PTH2R: variants seen among roughly 807,000 people sequenced by gnomAD.
The protein encoded by PTH2R is PTH2 receptor.
In PTH2R, 59 loss-of-function variants were observed where a neutral mutation model predicts 60.3. The observed-to-expected ratio is 0.98, with a 90% CI of 0.79 to 1.22. The LOEUF (loss-of-function observed/expected upper bound fraction) is 1.22. PTH2R is among the 50% of genes most tolerant of loss of function. The pLI is 0.00. For missense variants in PTH2R, 749 were observed against 682.6 expected (o/e 1.10, Z -1.08); for synonymous variants, 256 against 243.8 (o/e 1.05, Z -0.47).
At chr2:208,364,611 C>T (rs2125865471) in intron 1 of PTH2R, among the ~76,000 whole-genome samples, 1 of 152,212 alleles carries the variant, frequency 6.6e-6, no homozygotes, top group Non-Finnish European at 1.5e-5. Flanking sequence ...TCCAGTACCA[C>T]ACTGTTTTAT....
At chr2:208,370,266 AC>A (rs1700670281) in intron 1 of PTH2R, among the ~76,000 whole-genome samples, 1 of 151,630 alleles carries the variant, frequency 6.6e-6, no homozygotes, top group South Asian at 2.1e-4. Flanking sequence ...ACATGGTGAA[AC>A]CCTGTCTCTA....
chr2:208,393,240 G>A (rs1274798914), intron 1 of PTH2R, among the ~76,000 whole-genome samples: 1 of 152,164 alleles, frequency 6.6e-6, no homozygotes, highest in Non-Finnish European at 1.5e-5. Flanking sequence ...TCCTTCTAAT[G>A]TGGGGAGATG....
intron 9 of PTH2R, among the ~76,000 whole-genome samples, chr2:208,470,385 G>T (rs769494312): frequency 6.6e-6 from 1 of 152,162 alleles, no homozygotes; most frequent in Non-Finnish European, 1.5e-5. Context: ...ATATGGTTTG[G>T]CTGTGTCCCC....
At chr2:208,485,336 G>A (rs562535722) in intron 10 of PTH2R, among the ~76,000 whole-genome samples, 12 of 152,120 alleles carry the variant, frequency 7.9e-5, no homozygotes, top group Non-Finnish European at 1.8e-4. Flanking sequence ...CTTGGACACA[G>A]ACCACACCAT....
At chr2:208,429,970 G>C (rs556720797) in intron 2 of PTH2R, among the ~76,000 whole-genome samples, 1 of 152,258 alleles carries the variant, frequency 6.6e-6, no homozygotes, top group East Asian at 1.9e-4. Context: ...CATGTGGGCT[G>C]TCTGTTTCAC....
chr2:208,486,303 A>G (rs1703272249), intron 10 of PTH2R, among the ~76,000 whole-genome samples: 1 of 152,246 alleles, frequency 6.6e-6, no homozygotes, highest in African/African-American at 2.4e-5. Context: ...GGAGTTATAG[A>G]AGAGCTTAGT....
exon 1 of PTH2R, chr2:208,360,200 G>A (rs1209483308): frequency 4.4e-6 from 2 of 454,946 alleles, no homozygotes; most frequent in Admixed American, 2.4e-5. Flanking sequence ...ATAAATGAAA[G>A]CATTTCTTCA....
At chr2:208,475,106 A>G (rs926498013) in intron 9 of PTH2R, among the ~76,000 whole-genome samples, 8 of 152,128 alleles carry the variant, frequency 5.3e-5, no homozygotes, top group Non-Finnish European at 1.0e-4. Context: ...ATTTAAATCC[A>G]TTTCTTTGGA....
At chr2:208,445,260 A>G (rs1261986040) in intron 7 of PTH2R, among the ~76,000 whole-genome samples, 3 of 152,128 alleles carry the variant, frequency 2.0e-5, no homozygotes, top group African/African-American at 4.8e-5. Context: ...AGCTATAATG[A>G]TATATTTTTG....
chr2:208,428,213 G>GGC lies in PTH2R; in HGVS notation c.89_90dup (p.Thr31AlafsTer5). On this transcript the variant is annotated frameshift_variant, in exon 2 of 13. Transcript: ENST00000272847. LOFTEE classifies it high-confidence loss of function. ...TTCACTTCTACAGCTGGATTCTGAT[G>GGC]GCACCATTACTATAGAGGAGCAGAT... 1 of 1,611,010 alleles carries GGC rather than the reference G, an allele frequency of 6.2e-7. No individual in the cohort carries two copies. The highest frequency in any genetic ancestry group is 1.3e-5 in the African/African-American group (1 of 74,974).
chr2:208,419,972 C>T (rs1166934387), intron 1 of PTH2R, among the ~76,000 whole-genome samples: 1 of 152,130 alleles, frequency 6.6e-6, no homozygotes, highest in African/African-American at 2.4e-5. Flanking sequence ...ATGATGAGTT[C>T]CTGTCCTTTG....
At chr2:208,428,426 A>G (rs1701901966) in intron 2 of PTH2R, 123 bp downstream of exon 2, 4 of 671,864 alleles carry the variant, frequency 6.0e-6, no homozygotes, top group Middle Eastern at 2.7e-4. Context: ...TTCCATGTGG[A>G]GGGGTGTGCA....
chr2:208,470,488 G>A (rs1055301845), intron 9 of PTH2R, among the ~76,000 whole-genome samples: 15 of 151,460 alleles, frequency 9.9e-5, no homozygotes, highest in African/African-American at 3.2e-4. Flanking sequence ...TGCTGTTCTC[G>A]TGATAGTGAA....
chr2:208,479,724 A>G (rs987509619), intron 9 of PTH2R, among the ~76,000 whole-genome samples: 2 of 152,182 alleles, frequency 1.3e-5, no homozygotes, highest in Non-Finnish European at 2.9e-5. Flanking sequence ...AAGGTATCAG[A>G]TGGTGGTTAA....
chr2:208,406,341 T>C (rs981669051), upstream of PTH2R, among the ~76,000 whole-genome samples: 1 of 152,158 alleles, frequency 6.6e-6, no homozygotes, highest in Non-Finnish European at 1.5e-5. Context: ...ATATACATTA[T>C]TTCTACTTAA....
chr2:208,408,529 A>G (rs963243995), intron 1 of PTH2R, among the ~76,000 whole-genome samples: 1 of 149,914 alleles, frequency 6.7e-6, no homozygotes, highest in African/African-American at 2.5e-5. Flanking sequence ...TATTTAGTAC[A>G]ATAAGAAAAA....
At chr2:208,469,335 C>A (rs959199275) in intron 9 of PTH2R, among the ~76,000 whole-genome samples, 3 of 152,098 alleles carry the variant, frequency 2.0e-5, no homozygotes, top group African/African-American at 7.2e-5. Flanking sequence ...AATTTGAAAT[C>A]CAAATTAGAT....
At chr2:208,421,365 G>GGTGTGTGT (rs10567822) in intron 1 of PTH2R, among the ~76,000 whole-genome samples, 1 of 147,954 alleles carries the variant, frequency 6.8e-6, no homozygotes, top group African/African-American at 2.5e-5. Context: ...TCATATTGGG[G>GGTGTGTGT]GTGTGTGTGT....
At chr2:208,394,127 T>G (rs1701161074) in intron 1 of PTH2R, among the ~76,000 whole-genome samples, 1 of 152,236 alleles carries the variant, frequency 6.6e-6, no homozygotes, top group East Asian at 1.9e-4. Flanking sequence ...TCAGTCCATT[T>G]GCCCTTCTGT....
Sources: gnomAD v4.1 joint callset for allele counts (sites outside exome capture counted in the v4.1 genomes callset) on GRCh38, gnomAD v4.1.1 for gene constraint, MANE v1.5 for transcripts, NCBI Gene and HGNC (gene_info 2026-07-23, HGNC 2026-07-21) for gene names.